Variants in NYX observed in about 807,000 individuals in gnomAD.
The protein encoded by NYX is nyctalopin.
For missense variants in NYX, 481 were observed against 485.4 expected, an observed-to-expected ratio of 0.99 and a Z score of 0.09; for synonymous variants, 258 against 245.7, an observed-to-expected ratio of 1.05 and a Z score of -0.47.
intron 2 of NYX, 72 bp from the exon 3 acceptor site, chrX:41,473,419 C>A: frequency 1.1e-6 from 1 of 900,395 alleles, no homozygotes; most frequent in South Asian, 4.8e-5. Context: ...CCTGGGGTGA[C>A]CTTTGGCTGA....
intron 2 of NYX, among the ~76,000 whole-genome samples, chrX:41,449,736 T>C (rs1003025316): frequency 9.0e-6 from 1 of 111,719 alleles, no homozygotes; most frequent in African/African-American, 3.3e-5. Context: ...CTGTCCCTGC[T>C]ACAGAAACCC....
intron 2 of NYX, among the ~76,000 whole-genome samples, chrX:41,452,616 G>T (rs2064284600): frequency 9.0e-6 from 1 of 111,286 alleles, no homozygotes; most frequent in Admixed American, 9.7e-5. Flanking sequence ...TTTCCAGTTT[G>T]AGGTGATTGT....
intron 2 of NYX, among the ~76,000 whole-genome samples, chrX:41,452,380 T>A (rs1433943217): frequency 9.0e-6 from 1 of 111,566 alleles, no homozygotes; most frequent in African/African-American, 3.3e-5. Context: ...ATCAACTTGA[T>A]TTAAAAGAAA....
intron 2 of NYX, among the ~76,000 whole-genome samples, chrX:41,454,052 G>A (rs1326853396): frequency 2.7e-5 from 3 of 111,835 alleles, no homozygotes; most frequent in Non-Finnish European, 3.8e-5. Flanking sequence ...TTTGATTTTT[G>A]ACTTTGGCTG....
At chrX:41,472,429 A>G (rs2064365084) in intron 2 of NYX, 4 of 1,118,327 alleles carry the variant, frequency 3.6e-6, no homozygotes, top group African/African-American at 1.8e-5. Flanking sequence ...TCACCTGATG[A>G]CTCACCATGG....
chrX:41,451,604 C>T (rs1258888218), intron 2 of NYX, among the ~76,000 whole-genome samples: 1 of 110,956 alleles, frequency 9.0e-6, no homozygotes, highest in African/African-American at 3.3e-5. Context: ...ACCTCCGCCT[C>T]CCGGGTTCAC....
intron 2 of NYX, among the ~76,000 whole-genome samples, chrX:41,469,791 C>T (rs1169918398): frequency 1.8e-5 from 2 of 111,093 alleles, no homozygotes; most frequent in Non-Finnish European, 3.8e-5. Flanking sequence ...AGGTGATCCA[C>T]CCGCCTCTGC....
intron 2 of NYX, among the ~76,000 whole-genome samples, chrX:41,458,012 G>A (rs1293469749): frequency 8.9e-6 from 1 of 111,922 alleles, no homozygotes; most frequent in African/African-American, 3.2e-5. Flanking sequence ...CTCACATCAA[G>A]TAAAAGCCTT....
At chrX:41,451,221 T>C (rs755090283) in intron 2 of NYX, among the ~76,000 whole-genome samples, 4 of 112,009 alleles carry the variant, frequency 3.6e-5, no homozygotes, top group East Asian at 2.8e-4. Context: ...CTGCTGGGAA[T>C]GTATAATGGT....
chrX:41,458,124 T>G (rs1192843311), intron 2 of NYX, among the ~76,000 whole-genome samples: 2 of 110,999 alleles, frequency 1.8e-5, no homozygotes, highest in Admixed American at 1.9e-4. Flanking sequence ...TAACATTAAT[T>G]CCTTCATGAG....
In NYX at chrX:41,474,565, T is replaced by A; in HGVS notation, c.1097T>A (p.Leu366Gln). 1 of 1,197,089 alleles carries A rather than the reference T, an allele frequency of 8.4e-7. No homozygotes were observed. The highest frequency in any genetic ancestry group is 1.1e-6 in the Non-Finnish European group (1 of 889,203). The change falls in exon 3 of 3, where the codon CTG (leucine) becomes CAG (glutamine). Residue 366 changes from leucine (L) to glutamine (Q), a missense_variant. Coordinates refer to ENST00000378220, the MANE Select transcript of NYX (RefSeq NM_001378477.3). ...GCCTCCCCGGGCTCCGTGGCCGGCC[T>A]GGACCTCAGCCAGGTGACCTTCGGG... ...PCASPGSVAGLDLSQVTFGRS... is the reference protein window; with the variant it reads ...PCASPGSVAGQDLSQVTFGRS...
In NYX at chrX:41,454,502, C is replaced by T. The variant is rs138365239; in HGVS notation, c.22+6576C>T. On this transcript the variant is annotated intron_variant, in intron 2 of 2. Coordinates refer to ENST00000378220, the MANE Select transcript of NYX (RefSeq NM_001378477.3). ...TAATTTTTTGTATTTTCAGTAGAGACGGGGTTCACCATATTGGCCAGGCTG... is the reference window on the plus strand; with the variant it reads ...TAATTTTTTGTATTTTCAGTAGAGATGGGGTTCACCATATTGGCCAGGCTG... Among the ~76,000 whole-genome samples the T allele has an allele frequency of 8.3e-3, 922 of 110,775 alleles. 10 individuals are homozygous for T. Among genetic ancestry groups the T allele is most frequent in the African/African-American group, 0.029 (891 of 30,495 alleles).
chrX:41,474,789 C>T lies in NYX; in HGVS notation c.1321C>T (p.Leu441Phe). ...GLANASLSDS[L>F]SSRGVGGAGR... ...GGCCAACGCCTCCCTGTCCGACAGCCTCTCCTCCCGTGGGGTGGGAGGCGC... is the reference window on the plus strand; with the variant it reads ...GGCCAACGCCTCCCTGTCCGACAGCTTCTCCTCCCGTGGGGTGGGAGGCGC... Residue 441 changes from leucine (L) to phenylalanine (F), a missense_variant, in exon 3 of 3, where the codon CTC (leucine) becomes TTC (phenylalanine). Transcript: ENST00000378220. 1 of 1,200,210 alleles carries T rather than the reference C, an allele frequency of 8.3e-7. No individual in the cohort carries two copies. Among genetic ancestry groups the T allele is most frequent in the Non-Finnish European group, 1.1e-6 (1 of 890,617 alleles).
chrX:41,448,668 C>T (rs1214277790), intron 2 of NYX, among the ~76,000 whole-genome samples: 1 of 106,955 alleles, frequency 9.3e-6, no homozygotes, highest in Non-Finnish European at 1.9e-5. Flanking sequence ...AAGTGATTCT[C>T]GTGCCTCAGC....
chrX:41,454,255 A>G (rs1043696769), intron 2 of NYX, among the ~76,000 whole-genome samples: 1 of 111,272 alleles, frequency 9.0e-6, no homozygotes, highest in Non-Finnish European at 1.9e-5. Flanking sequence ...ATCCCTAGTA[A>G]TAGCTTCAGT....
At chrX:41,450,491 G>C (rs1230472501) in intron 2 of NYX, among the ~76,000 whole-genome samples, 22 of 110,104 alleles carry the variant, frequency 2.0e-4, no homozygotes, top group Non-Finnish European at 1.9e-5. Context: ...GGCTGGTCTT[G>C]AACTCATGGC....
intron 2 of NYX, among the ~76,000 whole-genome samples, chrX:41,467,447 G>T (rs2147021486): frequency 9.1e-6 from 1 of 110,164 alleles, no homozygotes; most frequent in South Asian, 3.9e-4. Flanking sequence ...TCTGCCTCCC[G>T]GGTTCAAGCG....
At chrX:41,456,951 C>G (rs1448120301) in intron 2 of NYX, among the ~76,000 whole-genome samples, 1 of 111,271 alleles carries the variant, frequency 9.0e-6, no homozygotes, top group East Asian at 2.8e-4. Flanking sequence ...GAGGTGGCGC[C>G]TTTAGGAGGG....
intron 2 of NYX, among the ~76,000 whole-genome samples, chrX:41,467,963 C>G (rs747687297): frequency 8.9e-6 from 1 of 111,862 alleles, no homozygotes; most frequent in Non-Finnish European, 1.9e-5. Context: ...CCGGCCTTGA[C>G]TTAATTTAAA....
Sources: gnomAD v4.1 joint callset for allele counts (sites outside exome capture counted in the v4.1 genomes callset) on GRCh38, gnomAD v4.1.1 for gene constraint, MANE v1.5 for transcripts, NCBI Gene and HGNC (gene_info 2026-07-23, HGNC 2026-07-21) for gene names.